The following TRIM23 variants were observed in gnomAD, a reference collection of about 807,000 sequenced individuals.
TRIM23 encodes E3 ubiquitin-protein ligase TRIM23.
TRIM23 carries 27 observed loss-of-function variants against 71.0 expected under a neutral mutation model. The observed-to-expected ratio is 0.38, with a 90% CI of 0.28 to 0.52. The LOEUF (loss-of-function observed/expected upper bound fraction) is 0.52. TRIM23 is among the 20% of genes least tolerant of loss of function. TRIM23 has a pLI of 0.84. For missense variants in TRIM23, 482 were observed against 692.3 expected, an observed-to-expected ratio of 0.70 and a Z score of 3.41; for synonymous variants, 234 against 238.0, an observed-to-expected ratio of 0.98 and a Z score of 0.16.
chr5:65,600,622 T>TAAAAAAAAAAAAAAAAAAAAAAAAA (rs34809421), intron 7 of TRIM23, among the ~76,000 whole-genome samples: 2 of 102,330 alleles, frequency 2.0e-5, no homozygotes, highest in Non-Finnish European at 2.0e-5. Flanking sequence ...AAAAGCACAG[T>TAAAAAAAAAAAAAAAAAAAAAAAAA]AAAAAAAAAA....
chr5:65,620,243 C>G (rs945956649), intron 1 of TRIM23, among the ~76,000 whole-genome samples: 2 of 152,100 alleles, frequency 1.3e-5, no homozygotes, highest in Non-Finnish European at 2.9e-5. Context: ...AGCAATACAG[C>G]TTCTATGGAG....
At chr5:65,596,972 C>G in intron 8 of TRIM23, 79 bp downstream of exon 8, 1 of 1,545,464 alleles carries the variant, frequency 6.5e-7, no homozygotes, top group South Asian at 1.2e-5. Context: ...CATGACAGAT[C>G]AGTATCAAAT....
Position 65,611,648 on chromosome 5 carries a change from G to A in TRIM23, c.600C>T (p.Leu200=). The change falls in exon 4 of 11, where the codon CTC becomes CTT. Residue 200 remains leucine, a synonymous_variant. Transcript: ENST00000231524. The stretch of plus-strand genomic sequence containing the variant: ...CATATTCTTTGCAGACACAGCACAT[G>A]AGTGGGCTAGTTTGACAACCTTCTT... ...CLEEGCQTSP[L]MCCVCKEYGK... is the part of the protein sequence containing the mutation. 2 of 1,614,196 alleles carry A rather than the reference G, an allele frequency of 1.2e-6. No individual in the cohort carries two copies. Among genetic ancestry groups the A allele is most frequent in the African/African-American group, 1.3e-5 (1 of 75,048 alleles).
intron 10 of TRIM23, among the ~76,000 whole-genome samples, chr5:65,593,802 A>G (rs1029698879): frequency 9.9e-5 from 15 of 152,164 alleles, no homozygotes; most frequent in African/African-American, 2.6e-4. Context: ...TATTCCTCTA[A>G]TTCAGGCTCT....
rs750308452 is a variant in TRIM23, at chr5:65,591,878, C to T, written c.1616G>A (p.Arg539His). ...ATCACAGCCCTGAATATACCAGCTACGGCCACAGCATAATTTATGGAGACT... is the reference window on the plus strand; with the variant it reads ...ATCACAGCCCTGAATATACCAGCTATGGCCACAGCATAATTTATGGAGACT... ...LLSLHKLCCG[R>H]SWYIQGCDAR... Residue 539 changes from arginine to histidine, a missense_variant, in exon 11 of 11, where the codon CGT becomes CAT. Around this residue, in one of 2 missense-constraint regions of TRIM23, gnomAD observed 307 missense variants for 495.8 expected, o/e 0.62. Coordinates refer to ENST00000231524, the MANE Select transcript of TRIM23 (RefSeq NM_001656.4). 12 of 1,613,772 alleles carry T rather than the reference C, an allele frequency of 7.4e-6. No individual in the cohort carries two copies. The highest frequency in any genetic ancestry group is 5.5e-5 in the South Asian group (5 of 91,084).
chr5:65,615,927 C>G (rs72762476), intron 2 of TRIM23, among the ~76,000 whole-genome samples: 28,950 of 152,114 alleles, frequency 0.19, 3,407 homozygotes, highest in South Asian at 0.32. Context: ...TCCCCACTGA[C>G]CACAAACAGG....
At chr5:65,603,211 T>C (rs1754407838) in intron 7 of TRIM23, among the ~76,000 whole-genome samples, 1 of 92,198 alleles carries the variant, frequency 1.1e-5, no homozygotes, top group Non-Finnish European at 2.5e-5. Context: ...AAATGAAAAA[T>C]TTCTGGATAT....
In TRIM23 at chr5:65,617,235, T is replaced by C. The variant is rs1416606651; in HGVS notation, c.244+858A>G. On this transcript the variant is annotated intron_variant, in intron 2 of 10. Coordinates refer to ENST00000231524, the MANE Select transcript of TRIM23 (RefSeq NM_001656.4). Reference sequence around the variant, plus strand: ...CCAAAACCTTAAAAATCCTTTTCTTTCTCCAGAAAATATTTTAAAACCATG... The same window carrying C: ...CCAAAACCTTAAAAATCCTTTTCTTCCTCCAGAAAATATTTTAAAACCATG... Among the ~76,000 whole-genome samples, 3 of 152,134 alleles carry C rather than the reference T, an allele frequency of 2.0e-5. No homozygotes were observed. The East Asian group carries it at 5.8e-4, about 29-fold the overall frequency.
intron 2 of TRIM23, among the ~76,000 whole-genome samples, chr5:65,617,459 A>G (rs1754804504): frequency 6.6e-6 from 1 of 152,248 alleles, no homozygotes; most frequent in African/African-American, 2.4e-5. Context: ...CAAAAAGAGT[A>G]AACTTACAGA....
intron 9 of TRIM23, 148 bp from the exon 10 acceptor site, chr5:65,594,793 G>T: frequency 1.6e-6 from 1 of 640,984 alleles, no homozygotes; most frequent in South Asian, 3.2e-5. Context: ...GTATGGCAGG[G>T]GCACCTACAA....
At chr5:65,600,102 G>C (rs1754320916) in intron 7 of TRIM23, among the ~76,000 whole-genome samples, 1 of 152,100 alleles carries the variant, frequency 6.6e-6, no homozygotes, top group South Asian at 2.1e-4. Flanking sequence ...TAAACGACCA[G>C]ATCTCATGAG....
At chr5:65,607,379 T>A (rs1381588827) in intron 6 of TRIM23, among the ~76,000 whole-genome samples, 3 of 152,130 alleles carry the variant, frequency 2.0e-5, no homozygotes, top group Admixed American at 6.5e-5. Flanking sequence ...AGGGACATGA[T>A]TGGATTATTG....
intron 1 of TRIM23, among the ~76,000 whole-genome samples, chr5:65,623,880 G>A (rs1490159864): frequency 6.6e-6 from 1 of 152,182 alleles, no homozygotes; most frequent in East Asian, 1.9e-4. Flanking sequence ...ATAATACTAA[G>A]CTAATTAATG....
intron 6 of TRIM23, among the ~76,000 whole-genome samples, chr5:65,605,857 G>C (rs1754481413): frequency 6.6e-6 from 1 of 152,166 alleles, no homozygotes; most frequent in South Asian, 2.1e-4. Flanking sequence ...CAGTTGTTCA[G>C]GACAAACGCT....
chr5:65,593,533 T>A (rs1392326443), intron 10 of TRIM23, among the ~76,000 whole-genome samples: 1 of 152,222 alleles, frequency 6.6e-6, no homozygotes, highest in East Asian at 1.9e-4. Flanking sequence ...ACTGACTTAT[T>A]TGCATGTCTT....
rs202133511 is a variant in TRIM23, at chr5:65,593,340, C to CA, written c.1545+1180dup. Among the ~76,000 whole-genome samples the CA allele has an allele frequency of 8.8e-3, 1,343 of 152,218 alleles. 34 individuals carry two copies. Among genetic ancestry groups the CA allele is most frequent in the African/African-American group, 0.031 (1,289 of 41,524 alleles). On this transcript the variant is annotated intron_variant, in intron 10 of 10. Coordinates refer to ENST00000231524, the MANE Select transcript of TRIM23 (RefSeq NM_001656.4). ...ATCCCAGCTACTTGGGAGGCTGAGG[C>CA]AGAAGAATCGCTTGAACCTAGGAGG...
intron 1 of TRIM23, among the ~76,000 whole-genome samples, chr5:65,621,904 T>C (rs1333669260): frequency 6.6e-6 from 1 of 152,032 alleles, no homozygotes; most frequent in Non-Finnish European, 1.5e-5. Flanking sequence ...CATGGTTCAC[T>C]GCAGCCTTGA....
chr5:65,618,555 T>A (rs1314996455), intron 1 of TRIM23, among the ~76,000 whole-genome samples: 1 of 152,214 alleles, frequency 6.6e-6, no homozygotes, highest in Non-Finnish European at 1.5e-5. Flanking sequence ...TACATCTGAA[T>A]CTGTACAAAC....
chr5:65,622,447 T>C (rs768083727), intron 1 of TRIM23, among the ~76,000 whole-genome samples: 3 of 152,188 alleles, frequency 2.0e-5, no homozygotes, highest in African/African-American at 4.8e-5. Flanking sequence ...CCAGGCACTT[T>C]GTGCTTTACA....
Sources: gnomAD v4.1 joint callset for allele counts (sites outside exome capture counted in the v4.1 genomes callset) on GRCh38, gnomAD v4.1.1 for gene constraint, gnomAD v4.1.1 regional missense constraint, MANE v1.5 for transcripts, NCBI Gene and HGNC (gene_info 2026-07-23, HGNC 2026-07-21) for gene names.